SEMA6D: variants seen among roughly 807,000 people sequenced by gnomAD.
SEMA6D encodes semaphorin-6D.
Under a neutral mutation model 106.6 loss-of-function variants are expected in SEMA6D, and 35 were observed. That is an observed-to-expected ratio of 0.33 (90% CI 0.25 to 0.44). SEMA6D has a LOEUF of 0.44. SEMA6D is among the 20% of genes least tolerant of loss of function. The probability of loss-of-function intolerance (pLI) is 1.00; values close to 1 mark genes in which losing one functional copy is unlikely to be tolerated. For missense variants in SEMA6D, 1,185 were observed against 1,345.9 expected, an observed-to-expected ratio of 0.88 and a Z score of 1.87; for synonymous variants, 499 against 487.7, an observed-to-expected ratio of 1.02 and a Z score of -0.31.
chr15:47,684,173 C>T (rs531056990), intron 4 of SEMA6D, among the ~76,000 whole-genome samples: 1 of 152,100 alleles, frequency 6.6e-6, no homozygotes, highest in South Asian at 2.1e-4. Context: ...AATGGGTGTT[C>T]GTGTTTGCAT....
At position 47,772,613 on chromosome 15, in the gene SEMA6D, T is replaced by C. The variant is rs941548000; in HGVS notation, c.*828T>C. On this transcript the variant is annotated 3_prime_UTR_variant, in exon 19 of 19. Coordinates refer to ENST00000536845, the MANE Select transcript of SEMA6D (RefSeq NM_001358351.3). ...AGAATGTAAGAGTTGCAAGTGATTT[T>C]GTGCTGCTATTCATTAAAACTTGTA... 6.6e-6 allele frequency: 1 copy of C among 152,588 alleles called. No homozygotes were observed. The highest frequency in any genetic ancestry group is 2.4e-5 in the African/African-American group (1 of 41,424). The allele number at this position is 152,588 out of a possible 1,614,324, so 9.5% of individuals were successfully genotyped here.
chr15:47,676,343 G>C (rs889257313), intron 4 of SEMA6D, among the ~76,000 whole-genome samples: 1 of 152,156 alleles, frequency 6.6e-6, no homozygotes, highest in Non-Finnish European at 1.5e-5. Flanking sequence ...ATCATGTCTA[G>C]TTCTAGGACA....
intron 1 of SEMA6D, among the ~76,000 whole-genome samples, chr15:47,208,869 G>C (rs1895287911): frequency 6.6e-6 from 1 of 151,992 alleles, no homozygotes; most frequent in African/African-American, 2.4e-5. Context: ...TGACCTCTTG[G>C]GATAACTAGA....
chr15:47,761,824 T>A, intron 7 of SEMA6D, 73 bp downstream of exon 7: 1 of 1,247,860 alleles, frequency 8.0e-7, no homozygotes, highest in Non-Finnish European at 1.1e-6. Context: ...AATGGAAGAG[T>A]AAAAGTTAAT....
At chr15:47,500,472 A>G (rs901533014) in intron 3 of SEMA6D, among the ~76,000 whole-genome samples, 7 of 152,146 alleles carry the variant, frequency 4.6e-5, no homozygotes, top group African/African-American at 1.7e-4. Context: ...TTATCAAATG[A>G]TAAGATTGAA....
At chr15:47,462,693 CT>C (rs1416822487) in intron 2 of SEMA6D, among the ~76,000 whole-genome samples, 1 of 152,018 alleles carries the variant, frequency 6.6e-6, no homozygotes, top group East Asian at 1.9e-4. Flanking sequence ...TTTCCTGTTT[CT>C]GTGAGCCATA....
intron 1 of SEMA6D, among the ~76,000 whole-genome samples, chr15:47,266,122 C>T (rs191165899): frequency 2.6e-5 from 4 of 152,140 alleles, no homozygotes; most frequent in Admixed American, 2.6e-4. Context: ...GGGCTCTTCC[C>T]TGTTGTCACT....
chr15:47,710,232 T>C (rs2078989539), intron 4 of SEMA6D, among the ~76,000 whole-genome samples: 2 of 152,198 alleles, frequency 1.3e-5, no homozygotes, highest in African/African-American at 2.4e-5. Context: ...CTCACCTATC[T>C]CAATGATATA....
At chr15:47,390,346 A>G (rs150451679) in intron 1 of SEMA6D, among the ~76,000 whole-genome samples, 3 of 152,322 alleles carry the variant, frequency 2.0e-5, no homozygotes, top group South Asian at 4.1e-4. Flanking sequence ...CCCCTTAACT[A>G]AAGACATAGC....
intron 1 of SEMA6D, among the ~76,000 whole-genome samples, chr15:47,254,237 G>C (rs997063171): frequency 6.8e-6 from 1 of 147,470 alleles, no homozygotes; most frequent in Non-Finnish European, 1.5e-5. Context: ...AATAGTTTTT[G>C]GTGAAGTCTT....
At chr15:47,284,700 A>C (rs975108968) in intron 1 of SEMA6D, among the ~76,000 whole-genome samples, 2 of 152,146 alleles carry the variant, frequency 1.3e-5, no homozygotes, top group Non-Finnish European at 2.9e-5. Context: ...ATTGTTTTCC[A>C]TATCTTCTTT....
intron 1 of SEMA6D, among the ~76,000 whole-genome samples, chr15:47,264,667 C>G (rs527542238): frequency 5.9e-4 from 90 of 152,044 alleles, no homozygotes; most frequent in African/African-American, 2.1e-3. Flanking sequence ...GAGTGGATAC[C>G]TTTGGTTTCT....
chr15:47,654,862 A>G (rs1469014422), intron 4 of SEMA6D, among the ~76,000 whole-genome samples: 3 of 152,240 alleles, frequency 2.0e-5, no homozygotes, highest in Admixed American at 2.0e-4. Context: ...CTGCAGAACC[A>G]TATGCCAATT....
chr15:47,192,870 A>G (rs1264803529), intron 1 of SEMA6D, among the ~76,000 whole-genome samples: 1 of 152,210 alleles, frequency 6.6e-6, no homozygotes, highest in Non-Finnish European at 1.5e-5. Context: ...CACAATAGAG[A>G]AAAACGTTGT....
At chr15:47,717,203 G>C (rs1322028859), upstream of SEMA6D, 2 of 152,402 alleles carry the variant, frequency 1.3e-5, no homozygotes. Context: ...GCTACTCAGA[G>C]GTGGGGAGAG....
intron 1 of SEMA6D, among the ~76,000 whole-genome samples, chr15:47,284,251 A>G (rs933954151): frequency 1.3e-5 from 2 of 152,218 alleles, no homozygotes; most frequent in Non-Finnish European, 2.9e-5. Flanking sequence ...TATTGTTTAT[A>G]TGGTGACAGT....
chr15:47,228,832 T>G (rs1474868703), intron 1 of SEMA6D, among the ~76,000 whole-genome samples: 1 of 152,004 alleles, frequency 6.6e-6, no homozygotes, highest in Non-Finnish European at 1.5e-5. Context: ...AGTGGGTCCC[T>G]GTATGTAAGG....
intron 3 of SEMA6D, among the ~76,000 whole-genome samples, chr15:47,578,148 A>G (rs1441688778): frequency 6.6e-6 from 1 of 152,206 alleles, no homozygotes; most frequent in Non-Finnish European, 1.5e-5. Flanking sequence ...TCATTAGTAT[A>G]TAGTGGAACA....
upstream of SEMA6D, among the ~76,000 whole-genome samples, chr15:47,715,097 A>T (rs1434652753): frequency 6.6e-6 from 1 of 152,192 alleles, no homozygotes; most frequent in East Asian, 1.9e-4. Context: ...ATTTAAACAA[A>T]TTGTTGGCTA....
Sources: allele counts gnomAD v4.1 joint callset (sites outside exome capture counted in the v4.1 genomes callset), GRCh38; gene constraint gnomAD v4.1.1; transcripts MANE v1.5; gene names NCBI Gene and HGNC (gene_info 2026-07-23, HGNC 2026-07-21).